Variants in GPC3 observed in about 807,000 individuals in gnomAD.
GPC3 encodes glypican 3, also known as glypican-3.
In GPC3, 3 loss-of-function variants were observed where a neutral mutation model predicts 34.4. The ratio of observed to expected loss-of-function variants is 0.09; its 90% CI spans 0.04 to 0.23. GPC3 has a LOEUF of 0.23. Among genes scored for constraint, GPC3 ranks in the 10% least tolerant of loss-of-function variants. The probability of loss-of-function intolerance (pLI) is 1.00; values close to 1 mark genes in which losing one functional copy is unlikely to be tolerated. For missense variants in GPC3, 351 were observed against 445.6 expected (o/e 0.79, Z 1.91); for synonymous variants, 177 against 174.0 (o/e 1.02, Z -0.13).
chrX:133,826,792 G>A (rs1018876730), intron 2 of GPC3, among the ~76,000 whole-genome samples: 14 of 111,547 alleles, frequency 1.3e-4, no homozygotes, highest in Admixed American at 4.8e-4. Flanking sequence ...CTTGAAAGCA[G>A]CAAGAAAGAA....
rs150843709 is a variant in GPC3, at chrX:133,695,701, T to C, written c.1167-3207A>G. Among the ~76,000 whole-genome samples, 914 of 112,430 alleles carry C rather than the reference T, an allele frequency of 8.1e-3. 3 individuals are homozygous for C. Among genetic ancestry groups the C allele is most frequent in the Non-Finnish European group, 0.013 (678 of 53,252 alleles). ...ATATTTCTTCCTCCATCTTCTAAAA[T>C]AAAGTATTTTGTTTTCTTTCTCATT... On this transcript the variant is annotated intron_variant, in intron 4 of 7. Transcript: ENST00000370818.
intron 1 of GPC3, among the ~76,000 whole-genome samples, chrX:133,982,557 C>T (rs1264441713): frequency 8.9e-6 from 1 of 111,923 alleles, no homozygotes; most frequent in Non-Finnish European, 1.9e-5. Context: ...ATCTCAAATG[C>T]CATTTAGTCT....
intron 3 of GPC3, among the ~76,000 whole-genome samples, chrX:133,722,852 A>AG (rs1359627593): frequency 9.0e-6 from 1 of 111,486 alleles, no homozygotes; most frequent in Non-Finnish European, 1.9e-5. Flanking sequence ...TTGAAAGGAG[A>AG]GGAAAAAAAA....
intron 6 of GPC3, 141 bp downstream of exon 6, chrX:133,661,584 CTCTCT>C (rs2070720357): frequency 6.3e-5 from 1 of 15,854 alleles, no homozygotes; most frequent in Non-Finnish European, 1.2e-4. Context: ...CTCTCTCTCT[CTCTCT>C]CTCTCTCTCT....
chrX:133,924,779 G>A (rs1023806081), intron 2 of GPC3, among the ~76,000 whole-genome samples: 7 of 111,536 alleles, frequency 6.3e-5, no homozygotes, highest in African/African-American at 2.3e-4. Context: ...ATTACCACAC[G>A]AAGTAGCTCT....
At chrX:133,830,047 A>G (rs759833072) in intron 2 of GPC3, among the ~76,000 whole-genome samples, 19 of 112,372 alleles carry the variant, frequency 1.7e-4, no homozygotes, top group Non-Finnish European at 3.6e-4. Context: ...GTGGAAATCC[A>G]AAATACCCAG....
chrX:133,650,457 C>CACACA (rs770442258), intron 6 of GPC3, among the ~76,000 whole-genome samples: 76 of 97,693 alleles, frequency 7.8e-4, no homozygotes, highest in African/African-American at 2.7e-3. Context: ...ACACACCCAC[C>CACACA]CACACACACA....
intron 2 of GPC3, among the ~76,000 whole-genome samples, chrX:133,940,162 C>T (rs933077245): frequency 1.8e-5 from 2 of 111,263 alleles, no homozygotes; most frequent in Non-Finnish European, 3.8e-5. Context: ...CCTAGTATGT[C>T]CCTACAGAGA....
intron 2 of GPC3, among the ~76,000 whole-genome samples, chrX:133,880,084 G>A (rs191790403): frequency 9.0e-6 from 1 of 111,594 alleles, no homozygotes. Flanking sequence ...CTACCTATCT[G>A]AGAGAGAAAA....
chrX:133,536,471 G>A (rs2069294444), intron 7 of GPC3, among the ~76,000 whole-genome samples, 178 bp from the exon 8 acceptor site: 1 of 104,865 alleles, frequency 9.5e-6, no homozygotes, highest in South Asian at 4.5e-4. Flanking sequence ...GGGGGTGGGG[G>A]TGGGGAGAGG....
chrX:133,828,852 A>G (rs1287615507), intron 2 of GPC3, among the ~76,000 whole-genome samples: 2 of 112,137 alleles, frequency 1.8e-5, no homozygotes, highest in Non-Finnish European at 3.8e-5. Flanking sequence ...TACCAGAAAA[A>G]AAAAAGTACA....
At chrX:133,823,160 A>C (rs1364503714) in intron 2 of GPC3, among the ~76,000 whole-genome samples, 30 of 101,585 alleles carry the variant, frequency 3.0e-4, no homozygotes, top group Non-Finnish European at 5.5e-4. Context: ...AAAAAAAAAA[A>C]AAAAAACTGG....
intron 7 of GPC3, among the ~76,000 whole-genome samples, chrX:133,594,690 G>A (rs1473780761): frequency 9.0e-6 from 1 of 110,953 alleles, no homozygotes; most frequent in Non-Finnish European, 1.9e-5. Context: ...AAGTAAAATG[G>A]TGGTTGCTAA....
intron 2 of GPC3, among the ~76,000 whole-genome samples, chrX:133,915,425 TC>T (rs1269110022): frequency 8.9e-6 from 1 of 111,921 alleles, no homozygotes. Context: ...TCCACCTGCC[TC>T]AGCCTCCCAA....
chrX:133,780,837 T>C (rs1232830052), intron 2 of GPC3, among the ~76,000 whole-genome samples: 3 of 111,406 alleles, frequency 2.7e-5, no homozygotes, highest in Non-Finnish European at 5.6e-5. Flanking sequence ...AGTGCCTCAA[T>C]AAAAACTTGC....
At chrX:133,793,987 C>G (rs1225594714) in intron 2 of GPC3, among the ~76,000 whole-genome samples, 3 of 111,657 alleles carry the variant, frequency 2.7e-5, no homozygotes, top group Non-Finnish European at 5.6e-5. Flanking sequence ...TTAAACTAAG[C>G]TAATATAGGA....
intron 2 of GPC3, among the ~76,000 whole-genome samples, chrX:133,889,075 T>A (rs1031576182): frequency 1.8e-5 from 2 of 111,934 alleles, no homozygotes; most frequent in Admixed American, 9.5e-5. Flanking sequence ...TGGAATGTAG[T>A]AACACTTTCT....
intron 4 of GPC3, among the ~76,000 whole-genome samples, 166 bp from the exon 5 acceptor site, chrX:133,692,660 A>T (rs1003729401): frequency 1.8e-4 from 20 of 112,374 alleles, no homozygotes; most frequent in Non-Finnish European, 3.2e-4. Context: ...GTTTTTTTTT[A>T]AAAATCAATA....
chrX:133,552,475 C>A (rs1363640360), intron 7 of GPC3, among the ~76,000 whole-genome samples: 2 of 111,470 alleles, frequency 1.8e-5, no homozygotes, highest in Non-Finnish European at 3.8e-5. Flanking sequence ...GAAATAACCA[C>A]GGACCTGCCT....
Sources: gnomAD v4.1 joint callset for allele counts (sites outside exome capture counted in the v4.1 genomes callset) on GRCh38, gnomAD v4.1.1 for gene constraint, MANE v1.5 for transcripts, NCBI Gene and HGNC (gene_info 2026-07-23, HGNC 2026-07-21) for gene names.